Variants in NRP2 observed in about 807,000 individuals in gnomAD.
NRP2 encodes the protein neuropilin-2.
In NRP2, 52 loss-of-function variants were observed where a neutral mutation model predicts 110.4. The observed-to-expected ratio is 0.47, with a 90% CI of 0.38 to 0.59. The LOEUF is 0.59. Among genes scored for constraint, NRP2 ranks in the 20% least tolerant of loss-of-function variants. The pLI is 0.00. For synonymous variants in NRP2, 508 were observed against 468.9 expected, an observed-to-expected ratio of 1.08 and a Z score of -1.08; for missense variants, 1,049 against 1,203.0, an observed-to-expected ratio of 0.87 and a Z score of 1.89.
rs1394913207 is a variant in NRP2 at position 205,716,259 on chromosome 2, G to A, written c.318G>A (p.Gly106=). 2 of 1,614,142 alleles carry A rather than the reference G, an allele frequency of 1.2e-6. No individual in the cohort carries two copies. The highest frequency in any genetic ancestry group is 1.1e-5 in the South Asian group (1 of 91,084). The change falls in exon 3 of 17, where the codon GGG becomes GGA. Residue 106 remains glycine (G), a synonymous_variant. Transcript: ENST00000357785. ...CAGACCTCCTGGGCAAACACTGTGG[G>A]AACATCGCCCCGCCCACCATCATCT... ...ESADLLGKHC[G]NIAPPTIISS...
chr2:205,718,205 C>T (rs1477709554), intron 3 of NRP2, among the ~76,000 whole-genome samples: 4 of 152,182 alleles, frequency 2.6e-5, no homozygotes, highest in Non-Finnish European at 2.9e-5. Flanking sequence ...CTTGGTCTCA[C>T]ACCACCCAAC....
At chr2:205,781,387 G>A (rs914202139) in intron 15 of NRP2, among the ~76,000 whole-genome samples, 4 of 152,256 alleles carry the variant, frequency 2.6e-5, no homozygotes, top group African/African-American at 7.2e-5. Context: ...AGGCCGGTCT[G>A]TTTCTGCTCC....
At chr2:205,709,205 G>A (rs921952986) in intron 2 of NRP2, among the ~76,000 whole-genome samples, 7 of 152,210 alleles carry the variant, frequency 4.6e-5, no homozygotes, top group Admixed American at 2.0e-4. Flanking sequence ...ATGGATTTGT[G>A]CAGGGGGATG....
At chr2:205,699,677 G>A (rs2056510837) in intron 2 of NRP2, among the ~76,000 whole-genome samples, 1 of 152,196 alleles carries the variant, frequency 6.6e-6, no homozygotes, top group Non-Finnish European at 1.5e-5. Context: ...ACTCTGACAA[G>A]GGGAAGAAGA....
intron 15 of NRP2, among the ~76,000 whole-genome samples, chr2:205,783,825 T>C (rs2058204881): frequency 6.6e-6 from 1 of 152,204 alleles, no homozygotes; most frequent in South Asian, 2.1e-4. Context: ...CATAACAAAG[T>C]GGCTTTGACT....
At chr2:205,793,624 C>G (rs2058324848) in intron 16 of NRP2, among the ~76,000 whole-genome samples, 1 of 152,184 alleles carries the variant, frequency 6.6e-6, no homozygotes. Context: ...AGCTCTGTCT[C>G]CTTGGCTTGG....
intron 16 of NRP2, among the ~76,000 whole-genome samples, chr2:205,794,529 C>G (rs899175287): frequency 2.0e-5 from 3 of 152,138 alleles, no homozygotes; most frequent in Non-Finnish European, 4.4e-5. Flanking sequence ...TACTATTATC[C>G]CCATTTCAAA....
Position 205,751,245 on chromosome 2 carries a change from C to A in NRP2, c.1903+1404C>A, listed in dbSNP as rs150267027. ...AAAGGAAAAATTAAGGGTTCTGCTG[C>A]AAAATTTCAGAAGTTTATTTTTAAT... On this transcript the variant is annotated intron_variant, in intron 11 of 16. Coordinates refer to ENST00000357785, the MANE Select transcript of NRP2 (RefSeq NM_003872.3). Among the ~76,000 whole-genome samples the A allele has an allele frequency of 3.3e-5, 5 of 152,250 alleles. No individual in the cohort carries two copies. In the East Asian group the frequency reaches 7.7e-4, roughly 24 times the overall value.
chr2:205,721,495 G>T (rs551438449), intron 3 of NRP2, among the ~76,000 whole-genome samples: 20 of 152,276 alleles, frequency 1.3e-4, no homozygotes, highest in East Asian at 7.7e-4. Flanking sequence ...CTGTGGTGCT[G>T]CCCTGGCAAA....
At chr2:205,782,375 A>G (rs1186319791) in intron 15 of NRP2, among the ~76,000 whole-genome samples, 3 of 152,204 alleles carry the variant, frequency 2.0e-5, no homozygotes, top group Non-Finnish European at 4.4e-5. Context: ...TTGAGAGTGT[A>G]TTGATACTGA....
intron 15 of NRP2, among the ~76,000 whole-genome samples, chr2:205,771,472 T>C (rs2058022748): frequency 6.6e-6 from 1 of 152,192 alleles, no homozygotes; most frequent in Non-Finnish European, 1.5e-5. Flanking sequence ...GACAGGCCAG[T>C]CCTAAAACAA....
chr2:205,695,023 G>T (rs1559307266), intron 1 of NRP2, among the ~76,000 whole-genome samples: 1 of 152,206 alleles, frequency 6.6e-6, no homozygotes, highest in East Asian at 1.9e-4. Flanking sequence ...ATATGTACTT[G>T]AAGTATGTTC....
chr2:205,755,925 T>C (rs1003651328), intron 12 of NRP2, among the ~76,000 whole-genome samples: 2 of 152,158 alleles, frequency 1.3e-5, no homozygotes, highest in Non-Finnish European at 2.9e-5. Context: ...GCTAGCCGTG[T>C]TGAAGTACCC....
chr2:205,700,864 T>C (rs987665105), intron 2 of NRP2: 4 of 420,622 alleles, frequency 9.5e-6, no homozygotes, highest in African/African-American at 8.1e-5. Context: ...TGGGGGCCTG[T>C]ATAGAAGCTG....
chr2:205,731,276 C>A (rs1394928158), intron 7 of NRP2, among the ~76,000 whole-genome samples: 1 of 152,200 alleles, frequency 6.6e-6, no homozygotes, highest in Non-Finnish European at 1.5e-5. Context: ...GCAGAAATTA[C>A]TGCTTTTGGT....
chr2:205,737,648 G>GA (rs1481958947), intron 7 of NRP2, among the ~76,000 whole-genome samples: 1 of 152,190 alleles, frequency 6.6e-6, no homozygotes, highest in East Asian at 1.9e-4. Flanking sequence ...GAGCAGACAA[G>GA]AAAACAGTTC....
chr2:205,775,263 T>G (rs2058080565), intron 15 of NRP2, among the ~76,000 whole-genome samples: 1 of 152,216 alleles, frequency 6.6e-6, no homozygotes, highest in Admixed American at 6.5e-5. Context: ...AGAATCAAGT[T>G]GTAACACTGC....
At chr2:205,691,720 G>C (rs2056319047) in intron 1 of NRP2, among the ~76,000 whole-genome samples, 1 of 152,172 alleles carries the variant, frequency 6.6e-6, no homozygotes, top group Non-Finnish European at 1.5e-5. Context: ...TGTAATCCCA[G>C]ATCTCTCATC....
At chr2:205,715,858 T>A (rs1249534734) in intron 2 of NRP2, among the ~76,000 whole-genome samples, 1 of 152,140 alleles carries the variant, frequency 6.6e-6, no homozygotes, top group African/African-American at 2.4e-5. Context: ...GAGACTAAGA[T>A]TCTGAGAGAG....
Sources: allele counts gnomAD v4.1 joint callset (sites outside exome capture counted in the v4.1 genomes callset), GRCh38; gene constraint gnomAD v4.1.1; transcripts MANE v1.5; gene names NCBI Gene and HGNC (gene_info 2026-07-23, HGNC 2026-07-21).